Variants in RNLS observed in about 807,000 individuals in gnomAD.
RNLS encodes the protein renalase, FAD dependent amine oxidase.
In RNLS, 39 loss-of-function variants were observed where a neutral mutation model predicts 39.8. The observed-to-expected ratio is 0.98, with a 90% CI of 0.76 to 1.28. RNLS has a LOEUF of 1.28. Ranked by LOEUF, RNLS falls within the 50% of genes most tolerant of loss-of-function variation. The probability of loss-of-function intolerance (pLI) is 0.00; values close to 1 mark genes in which losing one functional copy is unlikely to be tolerated. For synonymous variants in RNLS, 147 were observed against 150.7 expected (o/e 0.98, Z 0.18); for missense variants, 410 against 413.3 (o/e 0.99, Z 0.07).
intron 4 of RNLS, among the ~76,000 whole-genome samples, chr10:88,408,256 T>C (rs1423523958): frequency 6.6e-6 from 1 of 152,078 alleles, no homozygotes; most frequent in African/African-American, 2.4e-5. Flanking sequence ...TTTTTTTGTT[T>C]CCTCTATAAG....
the RNLS span, among the ~76,000 whole-genome samples, chr10:88,200,958 C>G: frequency 6.6e-6 from 1 of 150,530 alleles, no homozygotes; most frequent in Non-Finnish European, 1.5e-5. Context: ...TTAGCATTTT[C>G]AAAGATAAAA....
intron 4 of RNLS, among the ~76,000 whole-genome samples, chr10:88,381,322 G>C (rs1327970295): frequency 2.6e-5 from 4 of 152,004 alleles, no homozygotes; most frequent in Non-Finnish European, 5.9e-5. Context: ...AGTTTTAGAA[G>C]TTTTCTTCAT....
At chr10:88,474,758 G>A (rs1843717319) in intron 4 of RNLS, among the ~76,000 whole-genome samples, 2 of 152,060 alleles carry the variant, frequency 1.3e-5, no homozygotes, top group Admixed American at 6.6e-5. Flanking sequence ...TGTAATACCT[G>A]ACTCAGAGGA....
chr10:88,227,522 C>T, the RNLS span, among the ~76,000 whole-genome samples: 1 of 152,170 alleles, frequency 6.6e-6, no homozygotes. Context: ...GCTCAAAGTT[C>T]ACCACGAGTG....
chr10:88,505,827 C>T (rs1822411061), intron 4 of RNLS, among the ~76,000 whole-genome samples: 1 of 152,090 alleles, frequency 6.6e-6, no homozygotes, highest in African/African-American at 2.4e-5. Flanking sequence ...CAGATGCCAC[C>T]ATGTGTCCTT....
intron 5 of RNLS, among the ~76,000 whole-genome samples, chr10:88,324,240 C>T (rs1846399093): frequency 6.6e-6 from 1 of 151,132 alleles, no homozygotes; most frequent in East Asian, 1.9e-4. Context: ...GGTATCTACC[C>T]AAAGGAAAAA....
downstream of RNLS, among the ~76,000 whole-genome samples, chr10:88,269,881 T>C (rs562127448): frequency 2.0e-5 from 3 of 152,332 alleles, no homozygotes; most frequent in East Asian, 5.8e-4. Flanking sequence ...AGAGTCTCGC[T>C]CTGTTGCCCA....
intron 6 of RNLS, among the ~76,000 whole-genome samples, chr10:88,307,193 T>C (rs866665852): frequency 7.2e-5 from 11 of 152,150 alleles, no homozygotes; most frequent in Non-Finnish European, 5.9e-5. Context: ...GAGCCATCCA[T>C]GACAATCCAC....
intron 4 of RNLS, among the ~76,000 whole-genome samples, chr10:88,389,535 C>A (rs1255765641): frequency 2.7e-5 from 4 of 150,622 alleles, no homozygotes; most frequent in African/African-American, 9.8e-5. Context: ...TCATTTGTTT[C>A]AATATTTCGG....
intron 5 of RNLS, among the ~76,000 whole-genome samples, chr10:88,358,631 A>G (rs1188803186): frequency 6.6e-6 from 1 of 152,230 alleles, no homozygotes; most frequent in African/African-American, 2.4e-5. Flanking sequence ...CATTTTGGGA[A>G]ACACAAACAA....
chr10:88,184,643 T>A, the RNLS span, among the ~76,000 whole-genome samples: 3 of 152,164 alleles, frequency 2.0e-5, no homozygotes, highest in African/African-American at 7.2e-5. Flanking sequence ...ATCTTTTGCA[T>A]AAATAAATAG....
the RNLS span, among the ~76,000 whole-genome samples, chr10:88,222,565 GTAAATGCT>G: frequency 6.6e-6 from 1 of 152,152 alleles, no homozygotes; most frequent in Non-Finnish European, 1.5e-5. Context: ...CAACATTGAT[GTAAATGCT>G]TAAAAGACCT....
At chr10:88,274,932 C>A in exon 7 of RNLS, 1 of 1,576,712 alleles carries the variant, frequency 6.3e-7, no homozygotes, top group Non-Finnish European at 8.7e-7. Context: ...TCAAATAAAA[C>A]CTGACTGTGT....
At chr10:88,423,832 C>T (rs1243196124) in intron 4 of RNLS, among the ~76,000 whole-genome samples, 2 of 152,080 alleles carry the variant, frequency 1.3e-5, no homozygotes, top group African/African-American at 2.4e-5. Context: ...AGGTATGGAC[C>T]CTTCCCCTGG....
At chr10:88,181,556 C>G in the RNLS span, among the ~76,000 whole-genome samples, 2 of 152,178 alleles carry the variant, frequency 1.3e-5, no homozygotes, top group South Asian at 4.1e-4. Context: ...CAATTTCTCA[C>G]TAATGAAATA....
the RNLS span, among the ~76,000 whole-genome samples, chr10:88,222,516 A>G: frequency 6.6e-6 from 1 of 152,198 alleles, no homozygotes; most frequent in Admixed American, 6.6e-5. Flanking sequence ...GAAAAATAAT[A>G]ATAATATACC....
the RNLS span, among the ~76,000 whole-genome samples, chr10:88,197,098 T>C: frequency 1.3e-5 from 2 of 152,178 alleles, no homozygotes; most frequent in Admixed American, 1.3e-4. Flanking sequence ...TGGGATCCAA[T>C]CTTGGAAATA....
At chr10:88,537,042 A>G (rs1847799040) in intron 4 of RNLS, among the ~76,000 whole-genome samples, 1 of 152,206 alleles carries the variant, frequency 6.6e-6, no homozygotes, top group Non-Finnish European at 1.5e-5. Flanking sequence ...ATTATTAAGT[A>G]ATGTGGAAAA....
rs1173858067 is a variant in RNLS, at chr10:88,576,512, CAGGT to C, written c.368-3455_368-3452del. 2.6e-5 allele frequency among the ~76,000 whole-genome samples: 4 copies of C among 152,296 alleles called. No homozygotes were observed. The East Asian group carries it at 7.7e-4, about 29-fold the overall frequency. ...TTAGTGAGCAGCAGTCAGAACTGCT[CAGGT>C]GGGACCTGAAGTGATGTGAACCATC... is the stretch of plus-strand genomic sequence containing the variant. On this transcript the variant is annotated intron_variant, in intron 3 of 6. Transcript: ENST00000331772.
Sources: allele counts gnomAD v4.1 joint callset (sites outside exome capture counted in the v4.1 genomes callset), GRCh38; gene constraint gnomAD v4.1.1; transcripts MANE v1.5; gene names NCBI Gene and HGNC (gene_info 2026-07-23, HGNC 2026-07-21).